HDC: variants seen among roughly 807,000 people sequenced by gnomAD.
The protein encoded by HDC is histidine decarboxylase.
A neutral mutation model predicts 64.4 loss-of-function variants in HDC; 27 were observed. The ratio of observed to expected loss-of-function variants is 0.42; its 90% confidence interval spans 0.31 to 0.58. The LOEUF is 0.58. Among genes scored for constraint, HDC ranks in the 20% least tolerant of loss-of-function variants. The pLI is 0.16. For synonymous variants in HDC, 305 were observed against 314.2 expected (o/e 0.97, Z 0.31); for missense variants, 711 against 833.9 (o/e 0.85, Z 1.81).
chr15:50,245,124 T>C (rs2045462256), intron 10 of HDC, among the ~76,000 whole-genome samples: 1 of 152,206 alleles, frequency 6.6e-6, no homozygotes, highest in South Asian at 2.1e-4. Context: ...AGCCCCACTT[T>C]ACAGGTCATG....
Position 50,254,195 on chromosome 15 carries a change from G to C in HDC, c.655C>G (p.Leu219Val), listed in dbSNP as rs775780391. ...GCCTTCTGAAGAGCTTCCCCTCGGA[G>C]TGAGAAGTTGTCATCCACAGGCAGA... The part of the protein sequence containing the change: ...KFLPVDDNFS[L>V]RGEALQKAIE... The change falls in exon 6 of 12, where the codon CTC becomes GTC. Residue 219 changes from leucine (L) to valine (V), a missense_variant. Physicochemically the swap from Leu to Val is conservative, Grantham distance 32 (BLOSUM62 1). This residue lies in a region of HDC where 225 missense variants were observed against 276.2 expected (regional missense o/e 0.81). Transcript: ENST00000267845. 1.9e-6 allele frequency: 3 copies of C among 1,614,198 alleles called. No individual in the cohort carries two copies. The highest frequency in any genetic ancestry group is 2.5e-6 in the Non-Finnish European group (3 of 1,180,026).
At chr15:50,254,776 CTGTGTG>C in intron 4 of HDC, 112 bp from the exon 5 acceptor site, 2 of 825,686 alleles carry the variant, frequency 2.4e-6, no homozygotes, top group Non-Finnish European at 3.8e-6. Context: ...CTCTCTCTCT[CTGTGTG>C]TGTATGTGTT....
chr15:50,247,686 G>A (rs1013270358), intron 10 of HDC, among the ~76,000 whole-genome samples: 20 of 152,164 alleles, frequency 1.3e-4, no homozygotes, highest in African/African-American at 4.8e-4. Context: ...TTACCTCTGT[G>A]TCCCTTTCTT....
chr15:50,250,690 A>G (rs1156961651), intron 9 of HDC, among the ~76,000 whole-genome samples: 1 of 152,236 alleles, frequency 6.6e-6, no homozygotes, highest in East Asian at 1.9e-4. Context: ...AAGCAAACCT[A>G]CAGTTATCCC....
At chr15:50,253,450 C>A in intron 7 of HDC, 150 bp downstream of exon 7, 1 of 764,602 alleles carries the variant, frequency 1.3e-6, no homozygotes, top group Non-Finnish European at 2.3e-6. Context: ...CTGGAAGAGA[C>A]CCTCATGACC....
At chr15:50,246,021 A>G (rs1023305679) in intron 10 of HDC, among the ~76,000 whole-genome samples, 3 of 152,262 alleles carry the variant, frequency 2.0e-5, no homozygotes, top group Non-Finnish European at 4.4e-5. Context: ...TAACACAGAA[A>G]TATGAAATTT....
chr15:50,246,152 A>G (rs1484829019), intron 10 of HDC, among the ~76,000 whole-genome samples: 1 of 152,194 alleles, frequency 6.6e-6, no homozygotes, highest in Admixed American at 6.5e-5. Context: ...AAGCAGGGCA[A>G]TTACTCCCTC....
intron 1 of HDC, among the ~76,000 whole-genome samples, chr15:50,263,828 C>A (rs2045736293): frequency 1.3e-5 from 2 of 151,988 alleles, no homozygotes; most frequent in African/African-American, 4.8e-5. Flanking sequence ...GGATCTGATC[C>A]CCTGCACGAC....
Position 50,254,234 on chromosome 15 carries a change from C to A in HDC, c.616G>T (p.Val206Leu). Reference sequence around the variant, plus strand: ...TCCACAGGCAGAAATTTCATCTTCACAAGGGAAATCAAACCAGCCTTTTCC... The same window carrying A: ...TCCACAGGCAGAAATTTCATCTTCAAAAGGGAAATCAAACCAGCCTTTTCC... ...SVEKAGLISLVKMKFLPVDDN... is the reference protein window; with the variant it reads ...SVEKAGLISLLKMKFLPVDDN... Residue 206 changes from valine (V) to leucine (L), a missense_variant, in exon 6 of 12, where the codon GTG (valine) becomes TTG (leucine). By Grantham distance (32) the Val-to-Leu change is conservative. Coordinates refer to ENST00000267845, the MANE Select transcript of HDC (RefSeq NM_002112.4). 1 of 1,614,158 alleles carries A rather than the reference C, an allele frequency of 6.2e-7. No homozygotes were observed. The highest frequency in any genetic ancestry group is 8.5e-7 in the Non-Finnish European group (1 of 1,180,026).
intron 1 of HDC, among the ~76,000 whole-genome samples, chr15:50,263,661 G>T (rs145300957): frequency 0.015 from 2,323 of 152,146 alleles, 26 homozygotes; most frequent in Middle Eastern, 0.027. Context: ...TTAGCCGGGC[G>T]TGGTGGCAGG....
chr15:50,260,002 G>A (rs904244208), intron 2 of HDC, among the ~76,000 whole-genome samples: 9 of 151,096 alleles, frequency 6.0e-5, no homozygotes, highest in African/African-American at 1.5e-4. Context: ...CCATTTGTGT[G>A]GGTCTCTTTT....
At chr15:50,257,930 A>G (rs2045654030) in intron 3 of HDC, among the ~76,000 whole-genome samples, 1 of 113,036 alleles carries the variant, frequency 8.8e-6, no homozygotes, top group Admixed American at 1.2e-4. Flanking sequence ...ATAGGAGTTC[A>G]GGCTTAAAAT....
intron 4 of HDC, among the ~76,000 whole-genome samples, chr15:50,256,089 T>G (rs557906080): frequency 7.2e-5 from 11 of 152,352 alleles, no homozygotes; most frequent in African/African-American, 2.6e-4. Context: ...TTAATCTCTC[T>G]GAACTTCAGT....
intron 10 of HDC, among the ~76,000 whole-genome samples, chr15:50,245,216 C>T (rs1264327814): frequency 6.6e-6 from 1 of 152,216 alleles, no homozygotes; most frequent in Non-Finnish European, 1.5e-5. Context: ...ATAGCCCCCA[C>T]CTGTGTTTGT....
intron 9 of HDC, among the ~76,000 whole-genome samples, chr15:50,251,635 C>T (rs991101907): frequency 2.6e-5 from 4 of 152,102 alleles, no homozygotes; most frequent in African/African-American, 9.7e-5. Flanking sequence ...GAACTCGTTT[C>T]CCTCAGGCAA....
At chr15:50,252,903 G>A (rs1299864197) in intron 7 of HDC, 129 bp from the exon 8 acceptor site, 2 of 883,842 alleles carry the variant, frequency 2.3e-6, no homozygotes, top group Non-Finnish European at 3.5e-6. Flanking sequence ...GGAGGGGTGT[G>A]GAGATGGGAG....
intron 10 of HDC, chr15:50,244,821 A>G (rs2045456340): frequency 6.6e-6 from 1 of 152,212 alleles, no homozygotes; most frequent in Non-Finnish European, 1.5e-5. Context: ...CTCAATTGGC[A>G]TAGCACACCA....
intron 9 of HDC, among the ~76,000 whole-genome samples, chr15:50,249,791 C>A (rs2045530376): frequency 6.6e-6 from 1 of 152,170 alleles, no homozygotes; most frequent in South Asian, 2.1e-4. Flanking sequence ...TTTATTTTAC[C>A]AGCAAATAAA....
chr15:50,254,237 G>A lies in HDC; in HGVS notation c.613C>T (p.Leu205Phe). 6.2e-7 allele frequency: 1 copy of A among 1,614,146 alleles called. No homozygotes were observed. The highest frequency in any genetic ancestry group is 8.5e-7 in the Non-Finnish European group (1 of 1,180,014). The part of the protein sequence containing the change: ...SSVEKAGLIS[L>F]VKMKFLPVDD... The stretch of plus-strand genomic sequence containing the variant: ...ACAGGCAGAAATTTCATCTTCACAA[G>A]GGAAATCAAACCAGCCTTTTCCACA... The change falls in exon 6 of 12, where the codon CTT becomes TTT. Residue 205 changes from leucine (L) to phenylalanine (F), a missense_variant. This residue lies in a region of HDC where 225 missense variants were observed against 276.2 expected (regional missense o/e 0.81). Transcript: ENST00000267845.
Sources: allele counts gnomAD v4.1 joint callset (sites outside exome capture counted in the v4.1 genomes callset), GRCh38; gene constraint gnomAD v4.1.1; regional missense constraint gnomAD v4.1.1; transcripts MANE v1.5; gene names NCBI Gene and HGNC (gene_info 2026-07-23, HGNC 2026-07-21).